The following RPS7 variants were observed in gnomAD, a reference collection of about 807,000 sequenced individuals.
The protein encoded by RPS7 is ribosomal protein S7, also known as small ribosomal subunit protein eS7.
Under a neutral mutation model 22.1 loss-of-function variants are expected in RPS7, and 1 was observed. The observed-to-expected ratio is 0.05, with a 90% CI of 0.02 to 0.21. RPS7 has a LOEUF of 0.21. RPS7 is among the 10% of genes least tolerant of loss of function. RPS7 has a pLI of 1.00. For synonymous variants in RPS7, 80 were observed against 92.0 expected, an observed-to-expected ratio of 0.87 and a Z score of 0.74; for missense variants, 137 against 246.4, an observed-to-expected ratio of 0.56 and a Z score of 2.97.
At chr2:3,575,909 C>G (rs751500208) in intron 3 of RPS7, 21 bp downstream of exon 3, 6 of 1,568,426 alleles carry the variant, frequency 3.8e-6, no homozygotes, top group Admixed American at 1.7e-5. Flanking sequence ...GCTCCCTCGG[C>G]TGGGAGGGAG....
intron 6 of RPS7, 192 bp downstream of exon 6, chr2:3,580,452 C>T (rs1661378999): frequency 1.4e-6 from 1 of 691,504 alleles, no homozygotes; most frequent in Admixed American, 2.1e-5. Flanking sequence ...GAATTGAACA[C>T]TTGAAATTCT....
intron 6 of RPS7, 118 bp downstream of exon 6, chr2:3,580,378 T>C (rs1053251348): frequency 1.6e-5 from 14 of 870,032 alleles, no homozygotes; most frequent in Middle Eastern, 2.1e-4. Context: ...ACTAGTTCTT[T>C]TACCCGCACT....
chr2:3,580,403 T>G, intron 6 of RPS7, 143 bp downstream of exon 6: 1 of 762,634 alleles, frequency 1.3e-6, no homozygotes, highest in Non-Finnish European at 2.3e-6. Flanking sequence ...CCTGCTCTCC[T>G]TTGGATTATG....
rs192185466 is a variant in RPS7, at chr2:3,577,478, G to A, written c.292-232G>A. On this transcript the variant is annotated intron_variant, in intron 4 of 6. Transcript: ENST00000645674. The stretch of plus-strand genomic sequence containing the variant: ...GGGAAAGGCGTATCTGGGAGATTTT[G>A]TCCACTGGCGTATTAGTAGAGGCTG... The A allele has an allele frequency of 1.6e-3, 903 of 560,642 alleles. 5 individuals are homozygous for A. In the Middle Eastern group the frequency reaches 0.017, roughly 11 times the overall value. 34.7% of individuals were successfully genotyped at this position (560,642 alleles called of 1,614,324 possible). A position where few individuals can be genotyped will look rare whatever the true frequency, so the allele number is the denominator to read the frequency against.
At chr2:3,576,850 T>C (rs1321188778) in intron 4 of RPS7, 1 of 647,222 alleles carries the variant, frequency 1.5e-6, no homozygotes, top group African/African-American at 1.8e-5. Flanking sequence ...CTGGGCAACA[T>C]GGTAAGACCC....
intron 1 of RPS7, 84 bp from the exon 2 acceptor site, chr2:3,575,508 G>C (rs1327424952): frequency 2.3e-6 from 2 of 887,308 alleles, no homozygotes; most frequent in African/African-American, 3.3e-5. Context: ...GGGCGAGCGG[G>C]GCCTGGCCGG....
chr2:3,576,698 G>A, intron 4 of RPS7, 68 bp downstream of exon 4: 1 of 1,516,550 alleles, frequency 6.6e-7, no homozygotes, highest in East Asian at 2.3e-5. Context: ...TATTTAGACT[G>A]CATTGGTAGT....
chr2:3,576,286 TC>T (rs1661278295), intron 3 of RPS7, 200 bp from the exon 4 acceptor site: 2 of 653,972 alleles, frequency 3.1e-6, no homozygotes, highest in Admixed American at 2.4e-5. Flanking sequence ...CTGAACAGTC[TC>T]CCTTCCTGGA....
At chr2:3,580,342 A>G in intron 6 of RPS7, 82 bp downstream of exon 6, 4 of 1,231,716 alleles carry the variant, frequency 3.2e-6, no homozygotes, top group East Asian at 2.4e-5. Flanking sequence ...ATGCGCCACC[A>G]TAGCAATGAC....
intron 3 of RPS7, 102 bp downstream of exon 3, chr2:3,575,990 C>T (rs1212770135): frequency 1.2e-6 from 1 of 851,230 alleles, no homozygotes; most frequent in Non-Finnish European, 2.0e-6. Flanking sequence ...TGACTTGCCG[C>T]CTGGCCGCCT....
rs764256505 is a variant in RPS7 at position 3,575,809 on chromosome 2, C to T, written c.76-8C>T. 1.1e-5 allele frequency: 17 copies of T among 1,611,762 alleles called. No homozygotes were observed. In the African/African-American group the frequency reaches 1.2e-4, roughly 11 times the overall value. On this transcript the variant is annotated splice_polypyrimidine_tract_variant and splice_region_variant and intron_variant, in intron 2 of 6. Transcript: ENST00000645674. ...TCAGGGTCGGTCCTGCTGTTCGTTGCTTCTTAGGCTCTTCTGGAGCTGGAG... is the reference window on the plus strand; with the variant it reads ...TCAGGGTCGGTCCTGCTGTTCGTTGTTTCTTAGGCTCTTCTGGAGCTGGAG...
At chr2:3,577,965 ATT>A in intron 5 of RPS7, 191 bp downstream of exon 5, 2 of 598,872 alleles carry the variant, frequency 3.3e-6, no homozygotes, top group Non-Finnish European at 5.9e-6. Context: ...TCATGTAGCC[ATT>A]GTTTGCCTAC....
rs1364756725 is a variant in RPS7, at chr2:3,575,814, T to C, written c.76-3T>C. The stretch of plus-strand genomic sequence containing the variant: ...GTCGGTCCTGCTGTTCGTTGCTTCT[T>C]AGGCTCTTCTGGAGCTGGAGATGAA... On this transcript the variant is annotated splice_polypyrimidine_tract_variant and splice_region_variant and intron_variant, in intron 2 of 6. Transcript: ENST00000645674. The C allele has an allele frequency of 6.2e-7, 1 of 1,612,006 alleles. No homozygotes were observed. Among genetic ancestry groups the C allele is most frequent in the African/African-American group, 1.3e-5 (1 of 74,876 alleles).
At position 3,577,748 on chromosome 2, in the gene RPS7, A is replaced by C; in HGVS notation, c.330A>C (p.Thr110=). The C allele has an allele frequency of 1.2e-6, 2 of 1,612,986 alleles. No homozygotes were observed. The highest frequency in any genetic ancestry group is 1.7e-6 in the Non-Finnish European group (2 of 1,178,998). The change falls in exon 5 of 7, where the codon ACA becomes ACC. Residue 110 remains threonine, a synonymous_variant. Coordinates refer to ENST00000645674, the MANE Select transcript of RPS7 (RefSeq NM_001011.4). ...ILPKPTRKSR[T]KNKQKRPRSR... is the part of the protein sequence containing the mutation. ...CTAAGCCAACTCGAAAAAGCCGTAC[A>C]AAAAATAAGCAAAAGCGTCCCAGGA...
intron 3 of RPS7, 33 bp downstream of exon 3, chr2:3,575,921 T>G (rs1024515726): frequency 6.7e-7 from 1 of 1,497,696 alleles, no homozygotes. Flanking sequence ...GGGAGGGAGG[T>G]TGCGGCGCGT....
Position 3,576,254 on chromosome 2 carries a change from T to C in RPS7, c.148-233T>C. On this transcript the variant is annotated intron_variant, in intron 3 of 6. Coordinates refer to ENST00000645674, the MANE Select transcript of RPS7 (RefSeq NM_001011.4). ...GTTGCCGCAAGTGGGGGTGCAGAAGTGGTAGTGATTGGCCTCCTGGCCTGA... is the reference window on the plus strand; with the variant it reads ...GTTGCCGCAAGTGGGGGTGCAGAAGCGGTAGTGATTGGCCTCCTGGCCTGA... 3 of 610,494 alleles carry C rather than the reference T, an allele frequency of 4.9e-6. No individual in the cohort carries two copies. The South Asian group carries it at 5.9e-5, about 12-fold the overall frequency. 37.8% of individuals were successfully genotyped at this position (610,494 alleles called of 1,614,324 possible). A position where few individuals can be genotyped will look rare whatever the true frequency, so the allele number is the denominator to read the frequency against.
In RPS7 at chr2:3,576,472, TG is replaced by T; in HGVS notation, c.148-14del. On this transcript the variant is annotated splice_polypyrimidine_tract_variant and intron_variant, in intron 3 of 6. Transcript: ENST00000645674. ...TGAAGCAGTTAACACAGTGGATTTT[TG>T]TTTTTTTCTTTAGGAAATTGAAGTT... 1 of 1,612,778 alleles carries T rather than the reference TG, an allele frequency of 6.2e-7. No individual in the cohort carries two copies. The highest frequency in any genetic ancestry group is 8.5e-7 in the Non-Finnish European group (1 of 1,178,822).
In RPS7 at chr2:3,580,480, A is replaced by G. The variant is rs967756586; in HGVS notation, c.507+220A>G. On this transcript the variant is annotated intron_variant, in intron 6 of 6. Transcript: ENST00000645674. ...GAAATTCTCTGTACCTTTTGGAAGT[A>G]GACTCTTTCTGTGGTCTTTTAGTTA... 4.6e-6 allele frequency: 3 copies of G among 657,776 alleles called. No homozygotes were observed. In the African/African-American group the frequency reaches 5.4e-5, roughly 12 times the overall value. 40.7% of individuals were successfully genotyped at this position (657,776 alleles called of 1,614,324 possible).
intron 4 of RPS7, 166 bp from the exon 5 acceptor site, chr2:3,577,544 C>T (rs1406131625): frequency 3.2e-6 from 2 of 632,914 alleles, no homozygotes; most frequent in East Asian, 2.7e-5. Flanking sequence ...GAAGTAACTC[C>T]ATAGAAGGGT....
Sources: gnomAD v4.1 joint callset for allele counts on GRCh38, gnomAD v4.1.1 for gene constraint, MANE v1.5 for transcripts, NCBI Gene and HGNC (gene_info 2026-07-23, HGNC 2026-07-21) for gene names.